CACNB2: variants seen among roughly 807,000 people sequenced by gnomAD.
CACNB2 encodes the protein calcium voltage-gated channel auxiliary subunit beta 2.
In CACNB2, 42 loss-of-function variants were observed where a neutral mutation model predicts 73.3. The observed-to-expected ratio is 0.57, with a 90% CI of 0.45 to 0.74. The LOEUF is 0.74. CACNB2 is among the 30% of genes least tolerant of loss of function. The pLI is 0.00. For synonymous variants in CACNB2, 348 were observed against 310.3 expected (o/e 1.12, Z -1.28); for missense variants, 940 against 853.0 (o/e 1.10, Z -1.27).
intron 3 of CACNB2, among the ~76,000 whole-genome samples, chr10:18,453,681 G>A (rs1291880892): frequency 1.3e-5 from 2 of 152,326 alleles, no homozygotes; most frequent in East Asian, 3.9e-4. Flanking sequence ...CCAGGCTGGA[G>A]TGCAGTGGCG....
At chr10:18,447,084 A>C (rs1254330563) in intron 3 of CACNB2, among the ~76,000 whole-genome samples, 3 of 152,000 alleles carry the variant, frequency 2.0e-5, no homozygotes, top group African/African-American at 7.2e-5. Context: ...AATAAATAAA[A>C]AGTTGATAGG....
At chr10:18,522,247 T>C (rs535922660) in intron 9 of CACNB2, among the ~76,000 whole-genome samples, 2 of 152,164 alleles carry the variant, frequency 1.3e-5, no homozygotes, top group Admixed American at 1.3e-4. Flanking sequence ...TGGTGAGTTG[T>C]ATAATCACTT....
intron 9 of CACNB2, among the ~76,000 whole-genome samples, chr10:18,520,696 C>T (rs563318152): frequency 2.6e-5 from 4 of 152,342 alleles, no homozygotes; most frequent in African/African-American, 9.6e-5. Context: ...GCTCTTCCCT[C>T]GCTCATTCTC....
chr10:18,473,201 C>T (rs912770516), intron 3 of CACNB2, among the ~76,000 whole-genome samples: 6 of 152,114 alleles, frequency 3.9e-5, no homozygotes, highest in South Asian at 2.1e-4. Flanking sequence ...GGTGGGGCCC[C>T]GCTCGCCTGT....
At chr10:18,370,795 A>AT (rs754563854) in intron 2 of CACNB2, among the ~76,000 whole-genome samples, 10 of 152,150 alleles carry the variant, frequency 6.6e-5, no homozygotes, top group Non-Finnish European at 1.2e-4. Flanking sequence ...ACTTTCTCCC[A>AT]TTGTTGGGCA....
intron 2 of CACNB2, among the ~76,000 whole-genome samples, chr10:18,383,505 C>T (rs575203143): frequency 6.6e-6 from 1 of 152,122 alleles, no homozygotes; most frequent in African/African-American, 2.4e-5. Context: ...TATAACAGAG[C>T]AATATCGTCT....
At chr10:18,435,285 C>T (rs1454205160) in intron 3 of CACNB2, among the ~76,000 whole-genome samples, 1 of 152,132 alleles carries the variant, frequency 6.6e-6, no homozygotes, top group Non-Finnish European at 1.5e-5. Flanking sequence ...TAGTGCCGAG[C>T]TGACAATAGG....
chr10:18,356,568 C>T (rs915353914), intron 2 of CACNB2, among the ~76,000 whole-genome samples: 3 of 152,100 alleles, frequency 2.0e-5, no homozygotes, highest in Non-Finnish European at 4.4e-5. Context: ...CAGTTTGCTT[C>T]GTATAAATGT....
chr10:18,342,279 A>G (rs917975644), intron 2 of CACNB2, among the ~76,000 whole-genome samples: 3 of 152,188 alleles, frequency 2.0e-5, no homozygotes, highest in African/African-American at 7.2e-5. Context: ...CAGCAACAAA[A>G]CTGGTCACAA....
chr10:18,299,999 C>T (rs535463882), intron 2 of CACNB2, among the ~76,000 whole-genome samples: 8 of 151,480 alleles, frequency 5.3e-5, no homozygotes, highest in Non-Finnish European at 1.0e-4. Context: ...AGCCTCTACC[C>T]AGTGAATGCA....
intron 2 of CACNB2, among the ~76,000 whole-genome samples, chr10:18,306,899 G>T (rs1046206106): frequency 6.6e-6 from 1 of 152,094 alleles, no homozygotes; most frequent in Non-Finnish European, 1.5e-5. Flanking sequence ...AATATAAAAG[G>T]TTGTGATCTG....
At chr10:18,261,509 A>T (rs561788158) in intron 2 of CACNB2, among the ~76,000 whole-genome samples, 19 of 152,206 alleles carry the variant, frequency 1.2e-4, no homozygotes, top group East Asian at 5.8e-4. Context: ...TTTCCCAGAG[A>T]TGTTTTTATC....
At chr10:18,439,020 C>T (rs1482341166) in intron 3 of CACNB2, among the ~76,000 whole-genome samples, 3 of 152,356 alleles carry the variant, frequency 2.0e-5, no homozygotes, top group Non-Finnish European at 2.9e-5. Context: ...AATAACTTCT[C>T]TACCCTCTTC....
chr10:18,364,387 G>A (rs1444777583), intron 2 of CACNB2, among the ~76,000 whole-genome samples: 1 of 150,250 alleles, frequency 6.7e-6, no homozygotes, highest in Non-Finnish European at 1.5e-5. Flanking sequence ...TGTAACTTCC[G>A]TCTTCCGGGT....
At chr10:18,394,651 A>G (rs908235622) in intron 2 of CACNB2, among the ~76,000 whole-genome samples, 2 of 152,192 alleles carry the variant, frequency 1.3e-5, no homozygotes, top group Non-Finnish European at 2.9e-5. Flanking sequence ...TAGCTTCTCT[A>G]TGTCTCAGTT....
At chr10:18,418,114 C>G (rs1329822172) in intron 3 of CACNB2, among the ~76,000 whole-genome samples, 2 of 151,998 alleles carry the variant, frequency 1.3e-5, no homozygotes, top group Non-Finnish European at 1.5e-5. Flanking sequence ...TTCGCTCTGT[C>G]GCCAGGCTGG....
At chr10:18,171,236 A>G (rs2033204395) in intron 2 of CACNB2, among the ~76,000 whole-genome samples, 1 of 152,302 alleles carries the variant, frequency 6.6e-6, no homozygotes, top group South Asian at 2.1e-4. Context: ...TTCTCCAGCC[A>G]AGAAATGTAG....
intron 2 of CACNB2, among the ~76,000 whole-genome samples, chr10:18,341,596 A>C (rs1454155113): frequency 2.0e-5 from 3 of 152,318 alleles, no homozygotes; most frequent in East Asian, 1.9e-4. Flanking sequence ...GAAAACATGC[A>C]CAAAAAAAAC....
intron 3 of CACNB2, among the ~76,000 whole-genome samples, chr10:18,477,828 G>A (rs1269388101): frequency 1.3e-5 from 2 of 152,206 alleles, no homozygotes; most frequent in Non-Finnish European, 2.9e-5. Flanking sequence ...TAACCTTTTA[G>A]TTGTAGTTGT....
Sources: allele counts gnomAD v4.1 joint callset (sites outside exome capture counted in the v4.1 genomes callset), GRCh38; gene constraint gnomAD v4.1.1; transcripts MANE v1.5; gene names NCBI Gene and HGNC (gene_info 2026-07-23, HGNC 2026-07-21).